MINDY3: variants seen among roughly 807,000 people sequenced by gnomAD.
MINDY3 encodes the protein MINDY lysine 48 deubiquitinase 3, also known as ubiquitin carboxyl-terminal hydrolase MINDY-3.
A neutral mutation model predicts 69.2 loss-of-function variants in MINDY3; 38 were observed. That is an observed-to-expected ratio of 0.55 (90% CI 0.42 to 0.72). MINDY3 has a LOEUF of 0.72. MINDY3 is among the 30% of genes least tolerant of loss of function. The pLI, the probability that MINDY3 is intolerant of heterozygous loss-of-function variation, is 0.00. For synonymous variants in MINDY3, 192 were observed against 180.1 expected (o/e 1.07, Z -0.53); for missense variants, 522 against 519.0 (o/e 1.01, Z -0.06).
intron 14 of MINDY3, among the ~76,000 whole-genome samples, chr10:15,779,967 C>T (rs1836396017): frequency 6.6e-6 from 1 of 152,170 alleles, no homozygotes; most frequent in Non-Finnish European, 1.5e-5. Context: ...GACATTAAGG[C>T]ACTCCTTGGT....
rs116844244 is a variant in MINDY3, at chr10:15,810,962, G to A, written c.882+5873C>T. ...ATAAAAAGATGCTCATTAGTCATTA[G>A]GGAAATGCAAATCAAAATTACAATT... On this transcript the variant is annotated intron_variant, in intron 10 of 14. Coordinates refer to ENST00000277632, the MANE Select transcript of MINDY3 (RefSeq NM_024948.4). 1.5e-4 allele frequency among the ~76,000 whole-genome samples: 23 copies of A among 152,180 alleles called. 1 individual carries two copies. The East Asian group carries it at 4.1e-3, about 27-fold the overall frequency.
chr10:15,838,094 A>C, intron 5 of MINDY3, 134 bp downstream of exon 5: 1 of 1,285,332 alleles, frequency 7.8e-7, no homozygotes, highest in Non-Finnish European at 9.9e-7. Context: ...ATTAATCCTG[A>C]AGCAATGGAT....
At chr10:15,779,278 G>A (rs1278793699) in intron 14 of MINDY3, 137 bp from the exon 15 acceptor site, 3 of 637,832 alleles carry the variant, frequency 4.7e-6, no homozygotes, top group Admixed American at 3.8e-5. Context: ...ATTTTATTTT[G>A]CTAGAAATGA....
intron 9 of MINDY3, among the ~76,000 whole-genome samples, chr10:15,820,141 G>C (rs961402106): frequency 6.6e-6 from 1 of 152,156 alleles, no homozygotes; most frequent in Non-Finnish European, 1.5e-5. Context: ...TTGTGGAAAA[G>C]AATATCTGAG....
intron 1 of MINDY3, among the ~76,000 whole-genome samples, chr10:15,850,708 C>T (rs547191262): frequency 6.6e-6 from 1 of 152,246 alleles, no homozygotes; most frequent in Non-Finnish European, 1.5e-5. Flanking sequence ...GAAACTTCAT[C>T]AGCAATTCTA....
chr10:15,797,763 G>A (rs1217001835), intron 10 of MINDY3, among the ~76,000 whole-genome samples: 2 of 152,112 alleles, frequency 1.3e-5, no homozygotes, highest in East Asian at 3.9e-4. Flanking sequence ...AGCTAGGACT[G>A]CAGTGTTGGC....
intron 8 of MINDY3, among the ~76,000 whole-genome samples, chr10:15,830,011 T>G (rs1021768095): frequency 1.3e-5 from 2 of 152,102 alleles, no homozygotes; most frequent in Non-Finnish European, 2.9e-5. Flanking sequence ...GAGACAAATT[T>G]CGAGAATGGA....
intron 13 of MINDY3, 124 bp from the exon 14 acceptor site, chr10:15,782,350 A>G (rs1341056270): frequency 1.5e-6 from 1 of 670,016 alleles, no homozygotes; most frequent in Admixed American, 3.4e-5. Flanking sequence ...CATTTGACAA[A>G]AGAAGGAACT....
At chr10:15,839,409 T>C (rs1391162377) in intron 4 of MINDY3, among the ~76,000 whole-genome samples, 1 of 151,648 alleles carries the variant, frequency 6.6e-6, no homozygotes, top group Non-Finnish European at 1.5e-5. Context: ...CCAATGAAAT[T>C]AATGTTTGTA....
intron 2 of MINDY3, among the ~76,000 whole-genome samples, chr10:15,847,093 T>C (rs1833903929): frequency 6.6e-6 from 1 of 152,174 alleles, no homozygotes; most frequent in Non-Finnish European, 1.5e-5. Context: ...AACACGATGG[T>C]TAAAACATAA....
intron 8 of MINDY3, among the ~76,000 whole-genome samples, chr10:15,829,935 G>A (rs1358764588): frequency 1.3e-5 from 2 of 152,098 alleles, no homozygotes; most frequent in East Asian, 1.9e-4. Flanking sequence ...TGGTGCCATC[G>A]CCACACCCGA....
chr10:15,782,393 C>A (rs1836614085), intron 13 of MINDY3, 167 bp from the exon 14 acceptor site: 1 of 543,766 alleles, frequency 1.8e-6, no homozygotes, highest in South Asian at 2.8e-5. Context: ...CCAGAAAGCC[C>A]TGAAGTTGAA....
At chr10:15,857,962 C>T in intron 1 of MINDY3, 1 of 984,804 alleles carries the variant, frequency 1.0e-6, no homozygotes, top group Middle Eastern at 5.2e-4. Flanking sequence ...AAGACACGAT[C>T]ACAGACTATG....
At chr10:15,806,890 T>C (rs1254450532) in intron 10 of MINDY3, among the ~76,000 whole-genome samples, 1 of 152,192 alleles carries the variant, frequency 6.6e-6, no homozygotes, top group Admixed American at 6.6e-5. Flanking sequence ...TAATCTTTTC[T>C]ACACCTACTT....
chr10:15,840,413 A>G (rs1833387036), intron 4 of MINDY3, among the ~76,000 whole-genome samples: 1 of 151,662 alleles, frequency 6.6e-6, no homozygotes, highest in Non-Finnish European at 1.5e-5. Context: ...TGTTACTACT[A>G]TTAGAATTTG....
At chr10:15,808,593 G>A (rs1331064491) in intron 10 of MINDY3, among the ~76,000 whole-genome samples, 3 of 152,132 alleles carry the variant, frequency 2.0e-5, no homozygotes, top group Admixed American at 6.6e-5. Context: ...CCCACTGGAA[G>A]AACAATGTCA....
At position 15,778,830 on chromosome 10, in the gene MINDY3, A is replaced by T; in HGVS notation, c.*162T>A. On this transcript the variant is annotated 3_prime_UTR_variant, in exon 15 of 15. Coordinates refer to ENST00000277632, the MANE Select transcript of MINDY3 (RefSeq NM_024948.4). ...ATAATCTTTAACATAAAGCTTTAGG[A>T]CAAATAATTTAAACATATCATAAAC... is the stretch of plus-strand genomic sequence containing the variant. 1.8e-6 allele frequency: 1 copy of T among 568,700 alleles called. No individual in the cohort carries two copies. The highest frequency in any genetic ancestry group is 2.9e-6 in the Non-Finnish European group (1 of 343,430). 35.2% of individuals were successfully genotyped at this position (568,700 alleles called of 1,614,324 possible).
intron 5 of MINDY3, chr10:15,838,014 C>T: frequency 3.1e-6 from 3 of 979,448 alleles, no homozygotes; most frequent in Non-Finnish European, 3.6e-6. Context: ...TTTTGAAAAG[C>T]GTATCTGGGT....
rs556613127 is a variant in MINDY3, at chr10:15,850,487, CA to C, written c.95-2545del. On this transcript the variant is annotated intron_variant, in intron 1 of 14. Coordinates refer to ENST00000277632, the MANE Select transcript of MINDY3 (RefSeq NM_024948.4). Reference sequence around the variant, plus strand: ...AGCCCTGAGAAAGAGAATGCATTCTCAGGGGGGAGGTCTCTAAAATGGCCGC... The same window carrying C: ...AGCCCTGAGAAAGAGAATGCATTCTCGGGGGGAGGTCTCTAAAATGGCCGC... Among the ~76,000 whole-genome samples the C allele has an allele frequency of 9.2e-5, 14 of 152,242 alleles. 1 individual carries two copies. In the South Asian group the frequency reaches 2.7e-3, roughly 29 times the overall value.
Sources: gnomAD v4.1 joint callset for allele counts (sites outside exome capture counted in the v4.1 genomes callset) on GRCh38, gnomAD v4.1.1 for gene constraint, MANE v1.5 for transcripts, NCBI Gene and HGNC (gene_info 2026-07-23, HGNC 2026-07-21) for gene names.